Variants in SNHG17 observed in about 807,000 individuals in gnomAD.
The protein encoded by SNHG17 is small nucleolar RNA host gene 17 (non-protein coding).
At chr20:38,435,073 C>A in intron 1 of SNHG17, 3 of 1,232,102 alleles carry the variant, frequency 2.4e-6, no homozygotes, top group Non-Finnish European at 3.0e-6. Flanking sequence ...GGGGCTCACT[C>A]CGGCAAAGAG....
At chr20:38,426,995 T>TACAC (rs765781057) in intron 3 of SNHG17, among the ~76,000 whole-genome samples, 6,290 of 125,586 alleles carry the variant, frequency 0.05, 286 homozygotes, top group Non-Finnish European at 0.057. Context: ...AAGTTACACA[T>TACAC]ACACACACAC....
intron 3 of SNHG17, chr20:38,429,943 A>G: frequency 2.5e-6 from 1 of 392,968 alleles, no homozygotes; most frequent in South Asian, 1.9e-5. Context: ...TGACTCCCAG[A>G]GATCACTTAC....
intron 2 of SNHG17, among the ~76,000 whole-genome samples, chr20:38,432,667 A>G (rs1416165946): frequency 6.6e-6 from 1 of 152,140 alleles, no homozygotes; most frequent in Non-Finnish European, 1.5e-5. Context: ...ACATGCATCA[A>G]TGTGCTAAGC....
intron 5 of SNHG17, among the ~76,000 whole-genome samples, chr20:38,423,450 T>C (rs2084193040): frequency 6.8e-6 from 1 of 147,158 alleles, no homozygotes; most frequent in Non-Finnish European, 1.5e-5. Flanking sequence ...AGAAAGATCC[T>C]GTCATTTGCC....
At chr20:38,423,387 A>G (rs1397500646) in intron 5 of SNHG17, among the ~76,000 whole-genome samples, 1 of 147,518 alleles carries the variant, frequency 6.8e-6, no homozygotes, top group Non-Finnish European at 1.5e-5. Context: ...GCTTAACTTC[A>G]GCCTGGGTGA....
chr20:38,430,662 G>A (rs1455741082), intron 3 of SNHG17: 2 of 152,274 alleles, frequency 1.3e-5, no homozygotes, highest in Admixed American at 6.5e-5. Context: ...TGGGCTGGAG[G>A]GTATCAATAT....
chr20:38,430,338 TA>T (rs1347406567), intron 3 of SNHG17, among the ~76,000 whole-genome samples: 1 of 132,340 alleles, frequency 7.6e-6, no homozygotes, highest in Non-Finnish European at 1.6e-5. Flanking sequence ...AAAATAAAAA[TA>T]AAAAAATAGG....
intron 2 of SNHG17, among the ~76,000 whole-genome samples, chr20:38,433,433 C>CAGGA (rs1470021868): frequency 6.6e-6 from 1 of 152,080 alleles, no homozygotes; most frequent in African/African-American, 2.4e-5. Flanking sequence ...CACTTGAAGC[C>CAGGA]AGGAGTTCAG....
At chr20:38,421,811 A>G in intron 6 of SNHG17, 1 of 152,828 alleles carries the variant, frequency 6.5e-6, no homozygotes, top group South Asian at 2.1e-4. Flanking sequence ...CAAGGGAGGG[A>G]GGCTGGTGTC....
At chr20:38,430,882 C>G (rs927126066) in intron 3 of SNHG17, 7 of 152,436 alleles carry the variant, frequency 4.6e-5, no homozygotes, top group African/African-American at 1.7e-4. Context: ...CAGAAGAGGG[C>G]CCAGGCCTGT....
chr20:38,424,248 T>C lies in SNHG17; in HGVS notation n.579+1687A>G, dbSNP rs1001334386. On this transcript the variant is annotated intron_variant and non_coding_transcript_variant, in intron 5 of 8. Coordinates refer to ENST00000654008, the Ensembl canonical transcript of SNHG17. ...TTTTGGAGCAGGCCATGCCTGGCAG[T>C]GATCAGCACAGACCTGGGATGGGTA... 2.6e-5 allele frequency among the ~76,000 whole-genome samples: 4 copies of C among 151,034 alleles called. No homozygotes were observed. In the Admixed American group the frequency reaches 2.7e-4, roughly 10 times the overall value.
intron 5 of SNHG17, chr20:38,425,406 T>C: frequency 2.2e-6 from 1 of 464,116 alleles, no homozygotes; most frequent in South Asian, 1.5e-5. Context: ...CTAAGAGACC[T>C]GGAAACAAGT....
At chr20:38,432,203 G>A in intron 2 of SNHG17, 1 of 981,216 alleles carries the variant, frequency 1.0e-6, no homozygotes, top group South Asian at 4.7e-5. Flanking sequence ...GTTGGCTAGT[G>A]TTAACAGTGG....
At chr20:38,434,861 G>A in intron 1 of SNHG17, 1 of 985,446 alleles carries the variant, frequency 1.0e-6, no homozygotes, top group Non-Finnish European at 1.2e-6. Context: ...AAGTGGCTTT[G>A]GAGGCTTCCA....
intron 2 of SNHG17, among the ~76,000 whole-genome samples, chr20:38,432,630 G>T (rs1251491345): frequency 6.6e-6 from 1 of 152,184 alleles, no homozygotes; most frequent in Non-Finnish European, 1.5e-5. Context: ...CCCCACACAG[G>T]CTGCCTTGCT....
At chr20:38,423,216 G>A (rs549951991) in intron 5 of SNHG17, among the ~76,000 whole-genome samples, 17 of 151,400 alleles carry the variant, frequency 1.1e-4, no homozygotes, top group East Asian at 3.9e-4. Context: ...GGGCAACATC[G>A]CGAAACCCCA....
intron 3 of SNHG17, among the ~76,000 whole-genome samples, chr20:38,427,153 C>A (rs1280576578): frequency 7.2e-6 from 1 of 139,462 alleles, no homozygotes; most frequent in African/African-American, 2.6e-5. Context: ...TATCACATTC[C>A]CTTCCTGATC....
chr20:38,427,209 C>G (rs2084263943), intron 3 of SNHG17: 1 of 353,892 alleles, frequency 2.8e-6, no homozygotes, highest in Middle Eastern at 7.5e-4. Context: ...AGAGGTCAAG[C>G]TGAGAAAGAC....
rs186063826 is a variant in SNHG17, at chr20:38,421,272, G to C, written n.735-174C>G. On this transcript the variant is annotated intron_variant and non_coding_transcript_variant, in intron 6 of 8. Coordinates refer to ENST00000654008, the Ensembl canonical transcript of SNHG17. ...AAAGGACAAACATCTTAGAAGTTTC[G>C]TTTTTCTTTCAAGCAGTTCACAATC... 3 of 152,254 alleles carry C rather than the reference G, an allele frequency of 2.0e-5. No individual in the cohort carries two copies. In the East Asian group the frequency reaches 5.8e-4, roughly 29 times the overall value. The allele number at this position is 152,254 out of a possible 1,614,324, so 9.4% of individuals were successfully genotyped here. A position where few individuals can be genotyped will look rare whatever the true frequency, so the allele number is the denominator to read the frequency against.
Sources: allele counts gnomAD v4.1 joint callset (sites outside exome capture counted in the v4.1 genomes callset), GRCh38; gene constraint gnomAD v4.1.1; transcripts MANE v1.5; gene names NCBI Gene and HGNC (gene_info 2026-07-23, HGNC 2026-07-21).